Variants in NCAM2 observed in about 807,000 individuals in gnomAD.
NCAM2 encodes the protein neural cell adhesion molecule 2, also known as N-CAM-2.
NCAM2 carries 30 observed loss-of-function variants against 98.1 expected under a neutral mutation model. The ratio of observed to expected loss-of-function variants is 0.31; its 90% CI spans 0.23 to 0.41. NCAM2 has a LOEUF of 0.41. NCAM2 is among the 10% of genes least tolerant of loss of function. NCAM2 has a pLI of 1.00. For missense variants in NCAM2, 867 were observed against 1,005.8 expected, an observed-to-expected ratio of 0.86 and a Z score of 1.87; for synonymous variants, 368 against 342.4, an observed-to-expected ratio of 1.07 and a Z score of -0.83.
rs925848586 is a variant in NCAM2, at chr21:21,160,769, A to C, written c.56-119809A>C. ...GATACAGTAACAATATGACTTTATT[A>C]AATGGAGTATCTGCATTTCATATAC... On this transcript the variant is annotated intron_variant, in intron 1 of 17. Transcript: ENST00000400546. 2.0e-5 allele frequency among the ~76,000 whole-genome samples: 3 copies of C among 152,160 alleles called. No individual in the cohort carries two copies. In the East Asian group the frequency reaches 5.8e-4, roughly 29 times the overall value.
At chr21:21,066,070 A>G (rs28421140) in intron 1 of NCAM2, among the ~76,000 whole-genome samples, 12,689 of 152,170 alleles carry the variant, frequency 0.083, 600 homozygotes, top group East Asian at 0.19. Flanking sequence ...ATGAATTTCA[A>G]ATTGGAGACA....
chr21:21,373,419 G>A (rs915449959), intron 8 of NCAM2, among the ~76,000 whole-genome samples: 9 of 151,742 alleles, frequency 5.9e-5, no homozygotes, highest in Non-Finnish European at 8.8e-5. Flanking sequence ...AATATAGAGA[G>A]AAAAAAAGGG....
intron 12 of NCAM2, among the ~76,000 whole-genome samples, chr21:21,449,612 A>G (rs1980719826): frequency 6.6e-6 from 1 of 151,996 alleles, no homozygotes; most frequent in South Asian, 2.1e-4. Flanking sequence ...ATACTATTGT[A>G]TTAAACATTA....
intron 1 of NCAM2, among the ~76,000 whole-genome samples, chr21:21,123,399 CAAAAA>C (rs35636443): frequency 1.4e-5 from 2 of 143,346 alleles, no homozygotes; most frequent in African/African-American, 5.1e-5. Context: ...GACTCCCTCT[CAAAAA>C]AAAAAAAAAG....
At chr21:21,420,274 G>A (rs1314094765) in intron 11 of NCAM2, among the ~76,000 whole-genome samples, 1 of 151,796 alleles carries the variant, frequency 6.6e-6, no homozygotes, top group South Asian at 2.1e-4. Flanking sequence ...AAAACTTAAA[G>A]ATATAGAAAT....
chr21:21,002,004 T>C (rs1348013922), intron 1 of NCAM2, among the ~76,000 whole-genome samples: 1 of 152,184 alleles, frequency 6.6e-6, no homozygotes, highest in Non-Finnish European at 1.5e-5. Flanking sequence ...GTTACATGGC[T>C]CCAGCCTCTC....
intron 1 of NCAM2, among the ~76,000 whole-genome samples, chr21:21,180,151 G>A (rs1053158611): frequency 6.6e-5 from 10 of 152,206 alleles, no homozygotes; most frequent in African/African-American, 1.9e-4. Context: ...AACAAAGGAC[G>A]TTCCAATGGG....
intron 1 of NCAM2, among the ~76,000 whole-genome samples, chr21:21,170,480 C>T (rs2068086931): frequency 6.6e-6 from 1 of 152,100 alleles, no homozygotes; most frequent in African/African-American, 2.4e-5. Context: ...AAAAGACTAC[C>T]TACATATGAT....
chr21:21,150,249 G>GT (rs2067408851), intron 1 of NCAM2, among the ~76,000 whole-genome samples: 1 of 152,050 alleles, frequency 6.6e-6, no homozygotes, highest in Non-Finnish European at 1.5e-5. Flanking sequence ...TATTCTTATA[G>GT]TTTTTTAAAA....
chr21:21,473,394 T>TATATATATA (rs1984730061), intron 14 of NCAM2, among the ~76,000 whole-genome samples: 1 of 99,870 alleles, frequency 1.0e-5, no homozygotes, highest in African/African-American at 3.6e-5. Context: ...ATATATATAT[T>TATATATATA]ATATATAAAA....
chr21:21,344,128 G>C (rs73322759), intron 8 of NCAM2, among the ~76,000 whole-genome samples: 3,092 of 152,240 alleles, frequency 0.02, 85 homozygotes, highest in African/African-American at 0.071. Flanking sequence ...TTCTATAATA[G>C]ACAAACTCTG....
chr21:21,040,043 C>G (rs1337949178), intron 1 of NCAM2, among the ~76,000 whole-genome samples: 3 of 152,162 alleles, frequency 2.0e-5, no homozygotes, highest in African/African-American at 4.8e-5. Flanking sequence ...TTCGCTAGCA[C>G]ATTGTAATTC....
At chr21:21,331,697 C>T (rs1485695196) in intron 6 of NCAM2, among the ~76,000 whole-genome samples, 1 of 141,282 alleles carries the variant, frequency 7.1e-6, no homozygotes, top group African/African-American at 2.7e-5. Flanking sequence ...TCAGGCAATT[C>T]TCCTGCCTCA....
At chr21:21,128,420 G>A (rs948377016) in intron 1 of NCAM2, among the ~76,000 whole-genome samples, 3 of 152,142 alleles carry the variant, frequency 2.0e-5, no homozygotes, top group Non-Finnish European at 2.9e-5. Context: ...ATACAAATGA[G>A]CAGAGAGGGT....
chr21:21,385,579 G>A, intron 9 of NCAM2: 1 of 1,209,802 alleles, frequency 8.3e-7, no homozygotes, highest in Non-Finnish European at 1.1e-6. Flanking sequence ...GCCTTTTTTT[G>A]CTCAAAACCT....
At chr21:21,032,110 A>G (rs62208962) in intron 1 of NCAM2, among the ~76,000 whole-genome samples, 16,609 of 152,192 alleles carry the variant, frequency 0.11, 1,092 homozygotes, top group Non-Finnish European at 0.14. Flanking sequence ...ATTTAGGAAA[A>G]GAAATCTAGC....
At chr21:21,077,255 G>GA (rs1214511040) in intron 1 of NCAM2, among the ~76,000 whole-genome samples, 1 of 152,076 alleles carries the variant, frequency 6.6e-6, no homozygotes, top group Non-Finnish European at 1.5e-5. Context: ...TGTGGCTTTG[G>GA]AATTAACATT....
At chr21:21,515,402 A>C (rs1323434906) in intron 16 of NCAM2, among the ~76,000 whole-genome samples, 1 of 152,160 alleles carries the variant, frequency 6.6e-6, no homozygotes, top group Non-Finnish European at 1.5e-5. Context: ...ACTAAACAAT[A>C]AATTTTTTAA....
intron 1 of NCAM2, among the ~76,000 whole-genome samples, chr21:21,021,266 T>C (rs1249241608): frequency 6.6e-6 from 1 of 152,206 alleles, no homozygotes; most frequent in Non-Finnish European, 1.5e-5. Flanking sequence ...ATTCATCTCT[T>C]TGAAGCACAT....
Sources: allele counts gnomAD v4.1 joint callset (sites outside exome capture counted in the v4.1 genomes callset), GRCh38; gene constraint gnomAD v4.1.1; transcripts MANE v1.5; gene names NCBI Gene and HGNC (gene_info 2026-07-23, HGNC 2026-07-21).